The following C7 variants were observed in gnomAD, a reference collection of about 807,000 sequenced individuals.
The protein encoded by C7 is complement C7.
C7 carries 83 observed loss-of-function variants against 104.8 expected under a neutral mutation model. The observed-to-expected ratio is 0.79, with a 90% confidence interval of 0.66 to 0.95. The LOEUF is 0.95. Ranked by LOEUF, C7 falls within the 40% of genes least tolerant of loss-of-function variation. The pLI is 0.00. For synonymous variants in C7, 415 were observed against 360.6 expected (o/e 1.15, Z -1.71); for missense variants, 1,070 against 1,011.2 (o/e 1.06, Z -0.79).
Position 40,984,083 on chromosome 5 carries a change from G to T in C7, c.*2510G>T, listed in dbSNP as rs1051723417. ...GCTACAAGTTACCTGGGCAGAGAAG[G>T]TGCCTGAGAATATTTCCTAATCGTT... On this transcript the variant is annotated 3_prime_UTR_variant, in exon 18 of 18. Transcript: ENST00000313164. Among the ~76,000 whole-genome samples, 1 of 152,178 alleles carries T rather than the reference G, an allele frequency of 6.6e-6. No homozygotes were observed. The highest frequency in any genetic ancestry group is 2.4e-5 in the African/African-American group (1 of 41,448).
At chr5:40,930,090 T>C (rs1407020158) in intron 2 of C7, among the ~76,000 whole-genome samples, 1 of 152,182 alleles carries the variant, frequency 6.6e-6, no homozygotes, top group Non-Finnish European at 1.5e-5. Context: ...TAACACATTA[T>C]ATTGAATGCA....
rs183261438 is a variant in C7 at position 40,945,322 on chromosome 5, C to G, written c.692C>G (p.Ser231Cys). 645 of 1,609,582 alleles carry G rather than the reference C, an allele frequency of 4.0e-4. 4 individuals carry two copies. The African/African-American group carries it at 7.5e-3, about 19-fold the overall frequency. The change falls in exon 7 of 18, where the codon TCT (serine) becomes TGT (cysteine). Residue 231 changes from serine to cysteine, a missense_variant. Physicochemically the swap from Ser to Cys is moderately radical, Grantham distance 112. Coordinates refer to ENST00000313164, the MANE Select transcript of C7 (RefSeq NM_000587.4). ...TCCTTTTTTAGATCTTCATCATCTT[C>G]TTCACGCAGTTATACTTCACATACC... The part of the protein sequence containing the change: ...KRSFFRSSSS[S>C]SRSYTSHTNE...
At chr5:40,917,935 T>C (rs923832749) in intron 1 of C7, among the ~76,000 whole-genome samples, 2 of 152,106 alleles carry the variant, frequency 1.3e-5, no homozygotes, top group Admixed American at 6.6e-5. Context: ...ATATAAACTG[T>C]TTGACGGGAG....
chr5:40,922,575 C>T (rs1291921762), intron 1 of C7, among the ~76,000 whole-genome samples: 1 of 150,568 alleles, frequency 6.6e-6, no homozygotes, highest in Admixed American at 6.7e-5. Context: ...GTGGCACGTG[C>T]CTGTAATTTC....
At chr5:40,909,780 T>A (rs1241910106) in intron 1 of C7, among the ~76,000 whole-genome samples, 164 bp downstream of exon 1, 2 of 152,166 alleles carry the variant, frequency 1.3e-5, no homozygotes, top group African/African-American at 4.8e-5. Context: ...GGGGGTGATG[T>A]TTAGAAATCC....
intron 12 of C7, among the ~76,000 whole-genome samples, chr5:40,960,323 C>T (rs539968688): frequency 6.6e-6 from 1 of 152,206 alleles, no homozygotes; most frequent in Admixed American, 6.5e-5. Context: ...ATTTGAAGGT[C>T]ATGTGAGTTG....
intron 1 of C7, 73 bp from the exon 2 acceptor site, chr5:40,928,507 T>C: frequency 2.4e-6 from 2 of 842,360 alleles, no homozygotes; most frequent in Non-Finnish European, 3.8e-6. Flanking sequence ...ATTTATACAA[T>C]TATAAATTGT....
chr5:40,921,803 G>A (rs142199094), intron 1 of C7, among the ~76,000 whole-genome samples: 41 of 152,146 alleles, frequency 2.7e-4, no homozygotes, highest in African/African-American at 8.2e-4. Flanking sequence ...TTGGAAGGCC[G>A]AGGTGGGTGG....
At chr5:40,915,890 G>A (rs1331324142) in intron 1 of C7, among the ~76,000 whole-genome samples, 1 of 152,184 alleles carries the variant, frequency 6.6e-6, no homozygotes, top group African/African-American at 2.4e-5. Flanking sequence ...AGAAAATAAT[G>A]TTAAGAAGAC....
At chr5:40,961,771 A>G (rs3828509) in intron 12 of C7, among the ~76,000 whole-genome samples, 40,598 of 152,162 alleles carry the variant, frequency 0.27, 5,705 homozygotes, top group Middle Eastern at 0.4. Context: ...GTTTTGAAAC[A>G]GGTGACCTCT....
intron 7 of C7, 105 bp from the exon 8 acceptor site, chr5:40,947,497 G>C (rs1422091321): frequency 7.9e-7 from 1 of 1,259,258 alleles, no homozygotes; most frequent in Admixed American, 2.3e-5. Flanking sequence ...TTGTAGTCTT[G>C]GTTGATTGGA....
chr5:40,933,064 A>G (rs1326217409), intron 3 of C7, among the ~76,000 whole-genome samples: 2 of 152,134 alleles, frequency 1.3e-5, no homozygotes, highest in African/African-American at 4.8e-5. Flanking sequence ...TATCTTCATC[A>G]CTTACAAAGG....
chr5:40,927,148 A>G (rs1168412815), intron 1 of C7, among the ~76,000 whole-genome samples: 1 of 152,186 alleles, frequency 6.6e-6, no homozygotes, highest in Non-Finnish European at 1.5e-5. Context: ...CACAATGGGG[A>G]AAGGATAGTC....
chr5:40,941,905 A>G (rs1273121796), intron 6 of C7, among the ~76,000 whole-genome samples: 2 of 152,242 alleles, frequency 1.3e-5, no homozygotes, highest in Non-Finnish European at 2.9e-5. Context: ...CACAGAGTGG[A>G]GAACACTGTT....
chr5:40,977,817 T>G (rs1424941890), intron 16 of C7, among the ~76,000 whole-genome samples: 1 of 152,110 alleles, frequency 6.6e-6, no homozygotes, highest in Non-Finnish European at 1.5e-5. Context: ...GCCCCTAGAC[T>G]TAGTGGCCAT....
At chr5:40,962,364 A>G (rs1740440271) in intron 13 of C7, among the ~76,000 whole-genome samples, 192 bp downstream of exon 13, 1 of 152,200 alleles carries the variant, frequency 6.6e-6, no homozygotes, top group Non-Finnish European at 1.5e-5. Flanking sequence ...AATTCTGCAG[A>G]AGGCAGTGTA....
chr5:40,957,296 G>A (rs1029372148), intron 10 of C7, among the ~76,000 whole-genome samples: 2 of 152,130 alleles, frequency 1.3e-5, no homozygotes, highest in African/African-American at 2.4e-5. Context: ...AATAGCCAAC[G>A]CAGAGTAATA....
intron 3 of C7, 129 bp downstream of exon 3, chr5:40,931,268 T>A: frequency 1.5e-6 from 1 of 675,370 alleles, no homozygotes; most frequent in South Asian, 1.7e-5. Flanking sequence ...TTTGTAATTT[T>A]GAGGGGAGAA....
chr5:40,979,562 T>C (rs1424630111), intron 16 of C7, among the ~76,000 whole-genome samples, 163 bp from the exon 17 acceptor site: 1 of 151,388 alleles, frequency 6.6e-6, no homozygotes, highest in Non-Finnish European at 1.5e-5. Flanking sequence ...CTAAGTGAGT[T>C]GGACCTAGGA....
Sources: gnomAD v4.1 joint callset for allele counts (sites outside exome capture counted in the v4.1 genomes callset) on GRCh38, gnomAD v4.1.1 for gene constraint, MANE v1.5 for transcripts, NCBI Gene and HGNC (gene_info 2026-07-23, HGNC 2026-07-21) for gene names.